KAT6B: variants seen among roughly 807,000 people sequenced by gnomAD.
KAT6B encodes lysine acetyltransferase 6B, also known as histone acetyltransferase KAT6B.
KAT6B carries 10 observed loss-of-function variants against 187.5 expected under a neutral mutation model. That is an observed-to-expected ratio of 0.05 (90% CI 0.03 to 0.09). The LOEUF is 0.09. Among genes scored for constraint, KAT6B ranks in the 10% least tolerant of loss-of-function variants. The pLI is 1.00. For synonymous variants in KAT6B, 861 were observed against 926.8 expected, an observed-to-expected ratio of 0.93 and a Z score of 1.29; for missense variants, 1,952 against 2,558.9, an observed-to-expected ratio of 0.76 and a Z score of 5.12.
chr10:74,945,479 T>G (rs532789072), intron 3 of KAT6B, among the ~76,000 whole-genome samples: 23 of 152,224 alleles, frequency 1.5e-4, no homozygotes, highest in Non-Finnish European at 2.5e-4. Flanking sequence ...TTTTCTTTTT[T>G]TTGAGACGGA....
chr10:74,894,828 T>G (rs1442791326), intron 3 of KAT6B, among the ~76,000 whole-genome samples: 1 of 152,200 alleles, frequency 6.6e-6, no homozygotes, highest in Non-Finnish European at 1.5e-5. Flanking sequence ...TGGTGAACAT[T>G]TAGGGTACTT....
rs755991441 is a variant in KAT6B, at chr10:75,029,054, G to A, written c.4230G>A (p.Glu1410=). 1 of 1,614,134 alleles carries A rather than the reference G, an allele frequency of 6.2e-7. No individual in the cohort carries two copies. The highest frequency in any genetic ancestry group is 8.5e-7 in the Non-Finnish European group (1 of 1,180,004). ...CTGCACGTTTGGATGATCACGAAGA[G>A]GAGGAGGAAGAGGATGAAGAGCCAT... The part of the protein sequence containing the change: ...EDSARLDDHE[E]EEEEDEEPSH... Residue 1410 remains glutamate, a synonymous_variant, in exon 18 of 18, where the codon GAG becomes GAA. Transcript: ENST00000287239. The surrounding 1 kb of genome is among the most constrained non-coding windows in gnomAD (Gnocchi z 6.2).
intron 3 of KAT6B, among the ~76,000 whole-genome samples, chr10:74,912,964 G>A (rs1413341144): frequency 6.6e-6 from 1 of 152,128 alleles, no homozygotes; most frequent in Non-Finnish European, 1.5e-5. Flanking sequence ...GGGTTGTTCA[G>A]TCAATTGCAA....
intron 3 of KAT6B, among the ~76,000 whole-genome samples, chr10:74,878,490 T>C (rs1844589543): frequency 6.6e-6 from 1 of 151,708 alleles, no homozygotes; most frequent in Non-Finnish European, 1.5e-5. Flanking sequence ...TATGGTAGCA[T>C]GTGCCTGTAA....
At chr10:74,911,252 C>G (rs1191017243) in intron 3 of KAT6B, among the ~76,000 whole-genome samples, 1 of 151,740 alleles carries the variant, frequency 6.6e-6, no homozygotes, top group African/African-American at 2.4e-5. Context: ...TCACTTTAAA[C>G]CTTAGTCTAC....
At chr10:74,835,898 G>A (rs1457180962) in intron 1 of KAT6B, among the ~76,000 whole-genome samples, 1 of 152,100 alleles carries the variant, frequency 6.6e-6, no homozygotes, top group Non-Finnish European at 1.5e-5. Flanking sequence ...AGTACATTCA[G>A]TGTTGTGTCA....
intron 3 of KAT6B, among the ~76,000 whole-genome samples, chr10:74,933,810 A>G (rs1425128464): frequency 2.0e-5 from 3 of 152,200 alleles, no homozygotes; most frequent in Non-Finnish European, 4.4e-5. Flanking sequence ...ATAGGTAGAC[A>G]ACTTTGCTGA....
At chr10:75,022,580 T>C (rs1845521513) in intron 16 of KAT6B, among the ~76,000 whole-genome samples, 2 of 152,152 alleles carry the variant, frequency 1.3e-5, no homozygotes, top group Admixed American at 1.3e-4. Flanking sequence ...GCCAGGAGAC[T>C]TCTCTAAGGT....
Position 74,899,296 on chromosome 10 carries a change from C to T in KAT6B, c.621+55818C>T, listed in dbSNP as rs112735924. 4.9e-3 allele frequency among the ~76,000 whole-genome samples: 531 copies of T among 108,328 alleles called. 7 individuals carry two copies. Among genetic ancestry groups the T allele is most frequent in the African/African-American group, 0.014 (509 of 35,784 alleles). 71.1% of individuals were successfully genotyped at this position (108,328 alleles called of 152,430 possible). On this transcript the variant is annotated intron_variant, in intron 3 of 17. Coordinates refer to ENST00000287239, the MANE Select transcript of KAT6B (RefSeq NM_012330.4). ...TTATTATTATTATTATTATTTGAGACGGAGTTTCTTTCTTGTCAGTCAGGC... is the reference window on the plus strand; with the variant it reads ...TTATTATTATTATTATTATTTGAGATGGAGTTTCTTTCTTGTCAGTCAGGC...
chr10:74,987,692 T>A (rs140712010), intron 12 of KAT6B, among the ~76,000 whole-genome samples: 3 of 152,266 alleles, frequency 2.0e-5, no homozygotes, highest in Admixed American at 2.0e-4. Flanking sequence ...GCTTAGAATT[T>A]AGCTGTAGTA....
intron 3 of KAT6B, among the ~76,000 whole-genome samples, chr10:74,929,564 G>T (rs1056388497): frequency 6.6e-6 from 1 of 152,032 alleles, no homozygotes; most frequent in Non-Finnish European, 1.5e-5. Flanking sequence ...CTGTAAAATG[G>T]TCATGTCAAA....
intron 3 of KAT6B, among the ~76,000 whole-genome samples, chr10:74,845,648 C>T (rs1254960807): frequency 6.6e-6 from 1 of 151,294 alleles, no homozygotes; most frequent in African/African-American, 2.4e-5. Flanking sequence ...AGGTGTATGC[C>T]ACCATGCCCA....
intron 3 of KAT6B, among the ~76,000 whole-genome samples, chr10:74,952,452 C>T (rs1340882288): frequency 1.3e-5 from 2 of 152,032 alleles, no homozygotes; most frequent in Non-Finnish European, 2.9e-5. Context: ...GTATATCAAG[C>T]TCCAAGTGAA....
chr10:74,888,575 A>C (rs1444683893), intron 3 of KAT6B, among the ~76,000 whole-genome samples: 3 of 152,234 alleles, frequency 2.0e-5, no homozygotes, highest in Non-Finnish European at 2.9e-5. Context: ...AAAGAGAATA[A>C]TATTCTTTGG....
chr10:75,004,594 A>G (rs1312002308), intron 13 of KAT6B, among the ~76,000 whole-genome samples: 3 of 152,214 alleles, frequency 2.0e-5, no homozygotes, highest in Non-Finnish European at 4.4e-5. Flanking sequence ...AATTCTTCCC[A>G]GTCCTGCAAT....
intron 3 of KAT6B, among the ~76,000 whole-genome samples, chr10:74,889,338 G>A (rs938814869): frequency 6.6e-6 from 1 of 152,136 alleles, no homozygotes; most frequent in African/African-American, 2.4e-5. Context: ...TCTCTACTTG[G>A]GTGATTATGC....
chr10:74,846,910 C>G (rs1842147485), intron 3 of KAT6B, among the ~76,000 whole-genome samples: 1 of 152,126 alleles, frequency 6.6e-6, no homozygotes, highest in Non-Finnish European at 1.5e-5. Flanking sequence ...TAGCTTTAGG[C>G]AATTTAATAG....
chr10:75,018,883 C>A (rs951577412), intron 13 of KAT6B, among the ~76,000 whole-genome samples: 2 of 152,140 alleles, frequency 1.3e-5, no homozygotes, highest in Non-Finnish European at 2.9e-5. Flanking sequence ...TTCTCACCCC[C>A]CCAGGAGTAC....
intron 13 of KAT6B, among the ~76,000 whole-genome samples, chr10:75,010,367 A>G (rs1177167168): frequency 6.6e-6 from 1 of 152,236 alleles, no homozygotes; most frequent in Non-Finnish European, 1.5e-5. Context: ...TTAGAAAGTT[A>G]TCTCCAAAAC....
Sources: allele counts gnomAD v4.1 joint callset (sites outside exome capture counted in the v4.1 genomes callset), GRCh38; gene constraint gnomAD v4.1.1; non-coding constraint Gnocchi (gnomAD v3.1); transcripts MANE v1.5; gene names NCBI Gene and HGNC (gene_info 2026-07-23, HGNC 2026-07-21).